Variants in CCDC14 observed in about 807,000 individuals in gnomAD.
The protein encoded by CCDC14 is coiled-coil domain-containing protein 14.
In CCDC14, 71 loss-of-function variants were observed where a neutral mutation model predicts 81.4. The ratio of observed to expected loss-of-function variants is 0.87; its 90% confidence interval spans 0.72 to 1.06. The LOEUF (loss-of-function observed/expected upper bound fraction) is 1.06. CCDC14 is among the 50% of genes least tolerant of loss of function. The pLI is 0.00. For missense variants in CCDC14, 1,046 were observed against 1,047.3 expected (o/e 1.00, Z 0.02); for synonymous variants, 332 against 364.8 (o/e 0.91, Z 1.03).
intron 5 of CCDC14, among the ~76,000 whole-genome samples, chr3:123,898,682 T>A (rs991710584): frequency 5.9e-5 from 9 of 152,202 alleles, no homozygotes; most frequent in African/African-American, 2.2e-4. Flanking sequence ...CTTGTGAATA[T>A]CCCAGTACGT....
At chr3:123,902,776 T>C (rs1231858911) in intron 5 of CCDC14, among the ~76,000 whole-genome samples, 3 of 152,220 alleles carry the variant, frequency 2.0e-5, no homozygotes, top group African/African-American at 7.2e-5. Flanking sequence ...GTTAATTTTT[T>C]TAGATATGAT....
rs1175648989 is a variant in CCDC14, at chr3:123,914,234, CCAAT to C, written c.*541_*544del. The C allele has an allele frequency of 3.4e-5, 33 of 984,042 alleles. No homozygotes were observed. The highest frequency in any genetic ancestry group is 2.1e-4 in the African/African-American group (12 of 57,130). The allele number at this position is 984,042 out of a possible 1,614,324, so 61.0% of individuals were successfully genotyped here. On this transcript the variant is annotated 3_prime_UTR_variant, in exon 13 of 13. Transcript: ENST00000409697. ...GGATGTTATCTATATATTTTTTAGA[CCAAT>C]CAATGTTTTTTAAGAGGTGTAGATA...
intron 10 of CCDC14, among the ~76,000 whole-genome samples, chr3:123,932,478 A>C (rs182207312): frequency 6.6e-6 from 1 of 152,288 alleles, no homozygotes; most frequent in African/African-American, 2.4e-5. Context: ...TATATTAAGA[A>C]GATTAAGCCT....
At chr3:123,952,629 T>C in intron 5 of CCDC14, 2 of 529,950 alleles carry the variant, frequency 3.8e-6, no homozygotes, top group South Asian at 2.8e-5. Context: ...CAGGTAGGCA[T>C]TCAATGATCA....
intron 12 of CCDC14, among the ~76,000 whole-genome samples, chr3:123,929,337 G>C (rs1323012162): frequency 6.6e-6 from 1 of 151,814 alleles, no homozygotes; most frequent in Non-Finnish European, 1.5e-5. Context: ...TTGAGACAGG[G>C]TCTTACTCTG....
At chr3:123,894,045 C>A (rs975249364), downstream of CCDC14, among the ~76,000 whole-genome samples, 1 of 152,116 alleles carries the variant, frequency 6.6e-6, no homozygotes, top group African/African-American at 2.4e-5. Context: ...ATTGCTAAAT[C>A]CAATATTTCA....
chr3:123,948,973 G>A lies in CCDC14; in HGVS notation c.512C>T (p.Ser171Leu), dbSNP rs146994424. The A allele has an allele frequency of 1.5e-4, 240 of 1,613,890 alleles. No individual in the cohort carries two copies. The highest frequency in any genetic ancestry group is 2.0e-4 in the South Asian group (18 of 91,078). ...ALCEHVQTQM[S>L]LMNDLTSKNI... ...CTTTGAAGTCAAGTCATTCATCAGTGACATCTGAGTCTGCACGTGCTCACA... is the reference window on the plus strand; with the variant it reads ...CTTTGAAGTCAAGTCATTCATCAGTAACATCTGAGTCTGCACGTGCTCACA... The change falls in exon 6 of 13, where the codon TCA becomes TTA. Residue 171 changes from serine (S) to leucine (L), a missense_variant. Coordinates refer to ENST00000409697, the MANE Select transcript of CCDC14 (RefSeq NM_001366335.1).
intron 5 of CCDC14, among the ~76,000 whole-genome samples, chr3:123,905,125 C>G (rs1462215721): frequency 6.6e-6 from 1 of 152,084 alleles, no homozygotes; most frequent in Non-Finnish European, 1.5e-5. Flanking sequence ...GGTTGCTAGT[C>G]TTTCAGAACC....
intron 5 of CCDC14, among the ~76,000 whole-genome samples, chr3:123,898,963 GC>G (rs2034127291): frequency 6.8e-6 from 1 of 146,640 alleles, no homozygotes; most frequent in African/African-American, 2.5e-5. Context: ...CAAGTGATCT[GC>G]CCTCCTTGGC....
chr3:123,936,697 G>T (rs2036075255), intron 9 of CCDC14, among the ~76,000 whole-genome samples: 1 of 152,030 alleles, frequency 6.6e-6, no homozygotes, highest in Admixed American at 6.6e-5. Context: ...GGAGGGAGGG[G>T]AAGGTGGTAG....
At position 123,956,094 on chromosome 3, in the gene CCDC14, C is replaced by G; in HGVS notation, c.181G>C (p.Asp61His). Reference protein sequence around the residue: ...ESQAETVHGLDGCASLLRDIL... With the variant: ...ESQAETVHGLHGCASLLRDIL... ...TCCCTCAGCAAAGAAGCACAACCATCAAGCCCGTGTACAGTTTCAGCCTGT... is the reference window on the plus strand; with the variant it reads ...TCCCTCAGCAAAGAAGCACAACCATGAAGCCCGTGTACAGTTTCAGCCTGT... The change falls in exon 4 of 13, where the codon GAT becomes CAT. Residue 61 changes from aspartate to histidine, a missense_variant. Coordinates refer to ENST00000409697, the MANE Select transcript of CCDC14 (RefSeq NM_001366335.1). 6.5e-7 allele frequency: 1 copy of G among 1,547,396 alleles called. No homozygotes were observed. Among genetic ancestry groups the G allele is most frequent in the Non-Finnish European group, 8.7e-7 (1 of 1,145,682 alleles).
chr3:123,956,492 T>C (rs2037334220), intron 2 of CCDC14, 65 bp from the exon 3 acceptor site: 3 of 1,159,146 alleles, frequency 2.6e-6, no homozygotes, highest in Non-Finnish European at 3.7e-6. Context: ...TAAGTAGTCA[T>C]TTTCTTTCCA....
intron 12 of CCDC14, among the ~76,000 whole-genome samples, chr3:123,920,829 C>G (rs1032471546): frequency 2.0e-5 from 3 of 151,956 alleles, no homozygotes; most frequent in Non-Finnish European, 2.9e-5. Context: ...CGATTTTATC[C>G]TAATATGAGG....
In CCDC14 at chr3:123,931,463, T is replaced by C. The variant is rs1168839403; in HGVS notation, c.1490A>G (p.Gln497Arg). The C allele has an allele frequency of 8.9e-6, 14 of 1,578,248 alleles. No individual in the cohort carries two copies. The highest frequency in any genetic ancestry group is 1.2e-5 in the Non-Finnish European group (14 of 1,159,770). ...TTCATTTTTACTCTGCAGTAATTCC[T>C]GGCTCTTTAGTGACTCCTCCAATTG... ...QNQLEESLKS[Q>R]ELLQSKNEEL... Residue 497 changes from glutamine (Q) to arginine (R), a missense_variant, in exon 11 of 13, where the codon CAG (glutamine) becomes CGG (arginine). Transcript: ENST00000409697.
At chr3:123,953,593 A>G (rs968994959) in intron 5 of CCDC14, 4 of 152,194 alleles carry the variant, frequency 2.6e-5, no homozygotes, top group Non-Finnish European at 5.9e-5. Flanking sequence ...TGTAAGAGTC[A>G]AATCCCAGAC....
intron 12 of CCDC14, among the ~76,000 whole-genome samples, chr3:123,926,637 T>C (rs2148833181): frequency 6.7e-6 from 1 of 149,400 alleles, no homozygotes; most frequent in Admixed American, 6.6e-5. Flanking sequence ...TTTAATGGTT[T>C]TATAACATGT....
chr3:123,931,861 C>T (rs1217800705), intron 10 of CCDC14, among the ~76,000 whole-genome samples: 2 of 152,064 alleles, frequency 1.3e-5, no homozygotes, highest in Non-Finnish European at 2.9e-5. Flanking sequence ...GAAGAATCTC[C>T]CTTCCACTCC....
chr3:123,927,379 T>C (rs569306295), intron 12 of CCDC14, among the ~76,000 whole-genome samples: 1 of 152,158 alleles, frequency 6.6e-6, no homozygotes, highest in East Asian at 1.9e-4. Context: ...ATCGCACCAC[T>C]GGACTCCAGC....
Position 123,946,927 on chromosome 3 carries a change from T to C in CCDC14, c.1077A>G (p.Ile359Met), listed in dbSNP as rs1296584241. The change falls in exon 8 of 13, where the codon ATA (isoleucine) becomes ATG (methionine). Residue 359 changes from isoleucine (I) to methionine (M), a missense_variant. Transcript: ENST00000409697. ...EATSERKDLN[I>M]HVRDTKTVKD... ...TCACTGTTTTTGTATCTCGCACATG[T>C]ATGTTTAAATCCTTTCTTTCACTTG... 1 of 1,613,970 alleles carries C rather than the reference T, an allele frequency of 6.2e-7. No homozygotes were observed. The highest frequency in any genetic ancestry group is 1.7e-5 in the Admixed American group (1 of 60,018).
Sources: allele counts gnomAD v4.1 joint callset (sites outside exome capture counted in the v4.1 genomes callset), GRCh38; gene constraint gnomAD v4.1.1; transcripts MANE v1.5; gene names NCBI Gene and HGNC (gene_info 2026-07-23, HGNC 2026-07-21).